Variants in XPOT observed in about 807,000 individuals in gnomAD.
XPOT encodes the protein exportin for tRNA.
Under a neutral mutation model 128.2 loss-of-function variants are expected in XPOT, and 34 were observed. That is an observed-to-expected ratio of 0.27 (90% CI 0.20 to 0.35). XPOT has a LOEUF of 0.35. XPOT is among the 10% of genes least tolerant of loss of function. The pLI is 1.00. For missense variants in XPOT, 838 were observed against 1,125.3 expected (o/e 0.74, Z 3.65); for synonymous variants, 348 against 394.3 (o/e 0.88, Z 1.39).
Position 64,430,074 on chromosome 12 carries a change from G to T in XPOT, c.1763G>T (p.Ser588Ile). ...GAGAATGGCCACCAGTCCTTACTGAGCAGCGATGATCAACTTTTTATTTAT... is the reference window on the plus strand; with the variant it reads ...GAGAATGGCCACCAGTCCTTACTGATCAGCGATGATCAACTTTTTATTTAT... ...PPENGHQSLLSSDDQLFIYET... is the reference protein window; with the variant it reads ...PPENGHQSLLISDDQLFIYET... The change falls in exon 17 of 25, where the codon AGC becomes ATC. Residue 588 changes from serine (S) to isoleucine (I), a missense_variant. Ser to Ile is a moderately radical substitution (Grantham distance 142, BLOSUM62 -2). Coordinates refer to ENST00000332707, the MANE Select transcript of XPOT (RefSeq NM_007235.6). 6.2e-7 allele frequency: 1 copy of T among 1,610,572 alleles called. No homozygotes were observed. The highest frequency in any genetic ancestry group is 1.7e-4 in the Middle Eastern group (1 of 6,034).
At chr12:64,428,199 AT>A in intron 16 of XPOT, 79 bp downstream of exon 16, 6 of 1,001,750 alleles carry the variant, frequency 6.0e-6, no homozygotes, top group Non-Finnish European at 5.9e-6. Context: ...CTTTGTTGGC[AT>A]TTAAAAAAAA....
Position 64,425,800 on chromosome 12 carries a change from T to C in XPOT, c.1573-15T>C, listed in dbSNP as rs1261354199. The stretch of plus-strand genomic sequence containing the variant: ...TGAAAAAATGCAGAAATAGTAAAAG[T>C]GTCTCCTTCTTTAGATGGCTTTCTT... On this transcript the variant is annotated splice_polypyrimidine_tract_variant and intron_variant, in intron 14 of 24. Transcript: ENST00000332707. 3 of 1,611,352 alleles carry C rather than the reference T, an allele frequency of 1.9e-6. No individual in the cohort carries two copies. The highest frequency in any genetic ancestry group is 2.5e-6 in the Non-Finnish European group (3 of 1,178,092).
intron 23 of XPOT, among the ~76,000 whole-genome samples, chr12:64,442,240 G>C (rs2040330902): frequency 6.6e-6 from 1 of 152,172 alleles, no homozygotes; most frequent in Non-Finnish European, 1.5e-5. Context: ...CCGGGTTCAA[G>C]CAGTTCTCCG....
chr12:64,442,411 G>C (rs2040332569), intron 23 of XPOT: 1 of 152,902 alleles, frequency 6.5e-6, no homozygotes, highest in African/African-American at 2.4e-5. Context: ...GGGATTACAG[G>C]CGTGAGCCAC....
Position 64,448,854 on chromosome 12 carries a change from G to A in XPOT, c.*723G>A, listed in dbSNP as rs572981560. 1 of 152,254 alleles carries A rather than the reference G, an allele frequency of 6.6e-6. No homozygotes were observed. The highest frequency in any genetic ancestry group is 1.9e-4 in the East Asian group (1 of 5,192). 9.4% of individuals were successfully genotyped at this position (152,254 alleles called of 1,614,324 possible). On this transcript the variant is annotated 3_prime_UTR_variant, in exon 25 of 25. Transcript: ENST00000332707. ...TGCAACTTAGTTCTGTTATATGAGA[G>A]TCTTTTTCTTTAATGTACTGGAAAA...
In XPOT at chr12:64,425,080, A is replaced by G; in HGVS notation, c.1350A>G (p.Ile450Met). 1 of 1,613,200 alleles carries G rather than the reference A, an allele frequency of 6.2e-7. No homozygotes were observed. The highest frequency in any genetic ancestry group is 1.1e-5 in the South Asian group (1 of 91,040). The change falls in exon 13 of 25, where the codon ATA becomes ATG. Residue 450 changes from isoleucine to methionine, a missense_variant. This residue lies in a region of XPOT where 761 missense variants were observed against 988.3 expected (regional missense o/e 0.77). Coordinates refer to ENST00000332707, the MANE Select transcript of XPOT (RefSeq NM_007235.6). ...GGTTTATGGAAGTTGAAGTAGCAAT[A>G]AGATTGCTGTATATGTTGGCAGAAG... ...TTRFMEVEVAIRLLYMLAEAL... is the reference protein window; with the variant it reads ...TTRFMEVEVAMRLLYMLAEAL...
In XPOT at chr12:64,434,739, T is replaced by G. The variant is rs145637282; in HGVS notation, c.2570-55T>G. The G allele has an allele frequency of 3.0e-4, 465 of 1,572,116 alleles. No homozygotes were observed. In the African/African-American group the frequency reaches 5.5e-3, roughly 19 times the overall value. ...ACTGGGAGTTGGTTTTCCCTGGTGA[T>G]GAATTAATTGACTTACTTTTATATA... On this transcript the variant is annotated intron_variant, in intron 20 of 24. Coordinates refer to ENST00000332707, the MANE Select transcript of XPOT (RefSeq NM_007235.6).
Position 64,421,485 on chromosome 12 carries a change from T to G in XPOT, c.1080+14T>G. 1 of 1,575,830 alleles carries G rather than the reference T, an allele frequency of 6.3e-7. No individual in the cohort carries two copies. Among genetic ancestry groups the G allele is most frequent in the East Asian group, 2.2e-5 (1 of 44,596 alleles). Reference sequence around the variant, plus strand: ...ATTTTGAAACAGGTAAGTTTTTGTTTTATTCTTTTTGCTCAATACATAATA... The same window carrying G: ...ATTTTGAAACAGGTAAGTTTTTGTTGTATTCTTTTTGCTCAATACATAATA... On this transcript the variant is annotated intron_variant, in intron 9 of 24. Transcript: ENST00000332707.
Position 64,435,688 on chromosome 12 carries a change from T to G in XPOT, c.2733+14T>G. On this transcript the variant is annotated intron_variant, in intron 22 of 24. Coordinates refer to ENST00000332707, the MANE Select transcript of XPOT (RefSeq NM_007235.6). ...CATCTCAAACGGGTAAGCCTTTTAG[T>G]CCATGCCCCTTCATTTTCATCTCAC... is the stretch of plus-strand genomic sequence containing the variant. 1 of 1,593,626 alleles carries G rather than the reference T, an allele frequency of 6.3e-7. No individual in the cohort carries two copies. The highest frequency in any genetic ancestry group is 8.6e-7 in the Non-Finnish European group (1 of 1,167,554).
At chr12:64,412,551 A>G (rs1188609417) in intron 2 of XPOT, among the ~76,000 whole-genome samples, 1 of 152,174 alleles carries the variant, frequency 6.6e-6, no homozygotes, top group Non-Finnish European at 1.5e-5. Flanking sequence ...TGTTAGAAAC[A>G]ACTAAGCTAG....
intron 14 of XPOT, 94 bp downstream of exon 14, chr12:64,425,551 A>G: frequency 6.8e-7 from 1 of 1,476,774 alleles, no homozygotes; most frequent in Non-Finnish European, 9.1e-7. Flanking sequence ...TTTTCTCAGA[A>G]TCAAAACCTC....
Position 64,425,196 on chromosome 12 carries a change from A to G in XPOT, c.1452+14A>G. ...ATGATGCGAACTGTAAGTATACTGG[A>G]GATAATTTTGACCATAAATTTCTGT... is the stretch of plus-strand genomic sequence containing the variant. On this transcript the variant is annotated intron_variant, in intron 13 of 24. Transcript: ENST00000332707. The G allele has an allele frequency of 6.2e-7, 1 of 1,613,486 alleles. No individual in the cohort carries two copies. Among genetic ancestry groups the G allele is most frequent in the Non-Finnish European group, 8.5e-7 (1 of 1,179,720 alleles).
At chr12:64,433,692 C>T in intron 19 of XPOT, 89 bp downstream of exon 19, 1 of 1,319,648 alleles carries the variant, frequency 7.6e-7, no homozygotes, top group Non-Finnish European at 1.0e-6. Flanking sequence ...GAAGTAAATA[C>T]AGAAATTTTG....
intron 18 of XPOT, 48 bp from the exon 19 acceptor site, chr12:64,433,366 A>G (rs1565801984): frequency 1.4e-6 from 2 of 1,472,046 alleles, no homozygotes; most frequent in African/African-American, 1.4e-5. Context: ...TCTAAGTTGT[A>G]TGTTAATATT....
chr12:64,424,560 C>A, intron 11 of XPOT, 39 bp from the exon 12 acceptor site: 5 of 1,608,294 alleles, frequency 3.1e-6, no homozygotes, highest in Non-Finnish European at 4.2e-6. Flanking sequence ...CCGATCAACC[C>A]ATAAGTTTTT....
In XPOT at chr12:64,409,955, G is replaced by T; in HGVS notation, c.-74-7G>T. The T allele has an allele frequency of 8.8e-7, 1 of 1,140,714 alleles. No individual in the cohort carries two copies. Among genetic ancestry groups the T allele is most frequent in the Non-Finnish European group, 1.3e-6 (1 of 765,714 alleles). The allele number at this position is 1,140,714 out of a possible 1,614,324, so 70.7% of individuals were successfully genotyped here. A position where few individuals can be genotyped will look rare whatever the true frequency, so the allele number is the denominator to read the frequency against. ...ATGTTTTCTTTCAACTTTGTTTTTT[G>T]TGGCAGATGTTTATAAATTCTTCTG... On this transcript the variant is annotated splice_polypyrimidine_tract_variant and splice_region_variant and intron_variant, in intron 1 of 24. Transcript: ENST00000332707.
In XPOT at chr12:64,450,530, T is replaced by C. The variant is rs952690411; in HGVS notation, c.*2399T>C. 2 of 152,222 alleles carry C rather than the reference T, an allele frequency of 1.3e-5. No individual in the cohort carries two copies. The highest frequency in any genetic ancestry group is 4.8e-5 in the African/African-American group (2 of 41,452). 9.4% of individuals were successfully genotyped at this position (152,222 alleles called of 1,614,324 possible). A position where few individuals can be genotyped will look rare whatever the true frequency, so the allele number is the denominator to read the frequency against. On this transcript the variant is annotated 3_prime_UTR_variant, in exon 25 of 25. Transcript: ENST00000332707. ...TCTGCAGAAGATTTACATGTGTTTA[T>C]AGAGCTAAGAGAAATCAGGGCATGG...
chr12:64,423,865 C>T (rs755526413), intron 11 of XPOT, among the ~76,000 whole-genome samples: 1 of 152,132 alleles, frequency 6.6e-6, no homozygotes, highest in African/African-American at 2.4e-5. Context: ...GAACTCCAGT[C>T]ACAAGACTGT....
At chr12:64,437,874 G>T (rs1489209873) in intron 22 of XPOT, among the ~76,000 whole-genome samples, 1 of 152,170 alleles carries the variant, frequency 6.6e-6, no homozygotes, top group Non-Finnish European at 1.5e-5. Context: ...CAACTACTTG[G>T]CAGGCTGAGG....
Sources: gnomAD v4.1 joint callset for allele counts (sites outside exome capture counted in the v4.1 genomes callset) on GRCh38, gnomAD v4.1.1 for gene constraint, gnomAD v4.1.1 regional missense constraint, MANE v1.5 for transcripts, NCBI Gene and HGNC (gene_info 2026-07-23, HGNC 2026-07-21) for gene names.